ME1: variants seen among roughly 807,000 people sequenced by gnomAD.
ME1 encodes the protein NADP-dependent malic enzyme.
In ME1, 74 loss-of-function variants were observed where a neutral mutation model predicts 66.4. The ratio of observed to expected loss-of-function variants is 1.11; its 90% confidence interval spans 0.92 to 1.35. The LOEUF is 1.35. Among genes scored for constraint, ME1 ranks in the 40% most tolerant of loss-of-function variants. The pLI is 0.00. For synonymous variants in ME1, 251 were observed against 235.6 expected, an observed-to-expected ratio of 1.07 and a Z score of -0.60; for missense variants, 750 against 694.1, an observed-to-expected ratio of 1.08 and a Z score of -0.90.
intron 4 of ME1, among the ~76,000 whole-genome samples, chr6:83,350,805 A>C (rs1171323013): frequency 2.0e-5 from 3 of 151,908 alleles, no homozygotes; most frequent in African/African-American, 7.3e-5. Context: ...TGATTCCTTA[A>C]ATTTTCTTTA....
chr6:83,211,901 A>G lies in ME1; in HGVS notation c.*23T>C. The stretch of plus-strand genomic sequence containing the variant: ...AAAGGTTTAAAGACCTCATTAATAG[A>G]GTTAGAAATGTTTGCTATTATCCTA... On this transcript the variant is annotated 3_prime_UTR_variant, in exon 14 of 14. Transcript: ENST00000369705. The G allele has an allele frequency of 2.0e-6, 3 of 1,511,474 alleles. No homozygotes were observed. The highest frequency in any genetic ancestry group is 2.7e-6 in the Non-Finnish European group (3 of 1,121,040). 93.6% of individuals were successfully genotyped at this position (1,511,474 alleles called of 1,614,324 possible).
At chr6:83,236,317 A>G (rs1462767438) in intron 9 of ME1, among the ~76,000 whole-genome samples, 1 of 152,150 alleles carries the variant, frequency 6.6e-6, no homozygotes, top group Non-Finnish European at 1.5e-5. Flanking sequence ...CTCTATCTCC[A>G]TGAGATAGAT....
intron 6 of ME1, among the ~76,000 whole-genome samples, chr6:83,309,212 AG>A (rs1767884670): frequency 6.6e-6 from 1 of 152,112 alleles, no homozygotes; most frequent in Non-Finnish European, 1.5e-5. Context: ...TTTTGTGTTG[AG>A]GACAGACTAA....
intron 7 of ME1, among the ~76,000 whole-genome samples, chr6:83,252,456 T>C (rs1236190675): frequency 6.6e-6 from 1 of 152,134 alleles, no homozygotes; most frequent in Non-Finnish European, 1.5e-5. Context: ...CACACCATCA[T>C]GCCAGGCTAA....
chr6:83,333,952 G>T (rs367575840), intron 5 of ME1, among the ~76,000 whole-genome samples: 26 of 151,980 alleles, frequency 1.7e-4, no homozygotes, highest in East Asian at 3.9e-4. Flanking sequence ...TCCAAGTCAG[G>T]GGGGGAGGAG....
chr6:83,381,161 G>A (rs367578460), intron 3 of ME1, among the ~76,000 whole-genome samples: 1 of 151,970 alleles, frequency 6.6e-6, no homozygotes, highest in African/African-American at 2.4e-5. Flanking sequence ...TGTGCAGGCA[G>A]AATTATAGCA....
intron 3 of ME1, among the ~76,000 whole-genome samples, chr6:83,385,987 A>C (rs1650498998): frequency 6.6e-6 from 1 of 151,940 alleles, no homozygotes; most frequent in African/African-American, 2.4e-5. Flanking sequence ...GGTAACAGTT[A>C]AGACTTGAAT....
At chr6:83,290,045 G>C (rs566738961) in intron 6 of ME1, among the ~76,000 whole-genome samples, 1 of 151,748 alleles carries the variant, frequency 6.6e-6, no homozygotes, top group East Asian at 1.9e-4. Context: ...AGTCTTGCTA[G>C]AGGGCTATTT....
At chr6:83,364,309 G>A (rs867853436) in intron 3 of ME1, among the ~76,000 whole-genome samples, 1 of 152,088 alleles carries the variant, frequency 6.6e-6, no homozygotes, top group Admixed American at 6.5e-5. Context: ...TTGGAACTCA[G>A]ACTGGCTCTC....
chr6:83,257,966 T>C (rs1479261870), intron 6 of ME1, among the ~76,000 whole-genome samples: 2 of 152,158 alleles, frequency 1.3e-5, no homozygotes, highest in Non-Finnish European at 2.9e-5. Flanking sequence ...GGTCTCAGTA[T>C]GTGAGGAGGA....
rs114591343 is a variant in ME1 at position 83,249,968 on chromosome 6, C to T, written c.814+3661G>A. On this transcript the variant is annotated intron_variant, in intron 7 of 13. Transcript: ENST00000369705. ...TTTATCCCATTGTCTTTTCTTTGCA[C>T]AAATACAATAAAATATCTAACATAG... Among the ~76,000 whole-genome samples, 1,016 of 152,236 alleles carry T rather than the reference C, an allele frequency of 6.7e-3. 15 individuals carry two copies. The highest frequency in any genetic ancestry group is 0.022 in the African/African-American group (927 of 41,538).
chr6:83,266,656 A>G (rs2128530422), intron 6 of ME1, among the ~76,000 whole-genome samples: 2 of 152,324 alleles, frequency 1.3e-5, no homozygotes, highest in South Asian at 4.1e-4. Flanking sequence ...TCATGAACTA[A>G]GCCATCATAC....
At chr6:83,352,268 A>T (rs1428328784) in intron 3 of ME1, 129 bp from the exon 4 acceptor site, 1 of 505,902 alleles carries the variant, frequency 2.0e-6, no homozygotes, top group Non-Finnish European at 3.4e-6. Context: ...ACTGGTGGAC[A>T]TTATTTCCTT....
chr6:83,362,177 A>G (rs1769018150), intron 3 of ME1, among the ~76,000 whole-genome samples: 1 of 152,238 alleles, frequency 6.6e-6, no homozygotes, highest in African/African-American at 2.4e-5. Flanking sequence ...TTTGCATCAA[A>G]GGAGACATGG....
intron 1 of ME1, among the ~76,000 whole-genome samples, chr6:83,412,858 A>C (rs1770078371): frequency 6.6e-6 from 1 of 152,216 alleles, no homozygotes; most frequent in African/African-American, 2.4e-5. Flanking sequence ...AAGAGGGAGC[A>C]AAAAGAAAAT....
intron 2 of ME1, among the ~76,000 whole-genome samples, chr6:83,404,581 C>A (rs1270023511): frequency 6.6e-6 from 1 of 152,116 alleles, no homozygotes; most frequent in African/African-American, 2.4e-5. Flanking sequence ...AAGTCTTTGC[C>A]CATGCCTATG....
chr6:83,423,161 T>C (rs1196856919), intron 1 of ME1, among the ~76,000 whole-genome samples: 2 of 148,550 alleles, frequency 1.3e-5, no homozygotes, highest in Non-Finnish European at 3.0e-5. Context: ...AGATTTCTCA[T>C]CAGGAAAAAG....
rs574928558 is a variant in ME1 at position 83,417,771 on chromosome 6, T to C, written c.79-9870A>G. 3.9e-5 allele frequency among the ~76,000 whole-genome samples: 6 copies of C among 152,338 alleles called. No individual in the cohort carries two copies. In the South Asian group the frequency reaches 1.2e-3, roughly 32 times the overall value. On this transcript the variant is annotated intron_variant, in intron 1 of 13. Coordinates refer to ENST00000369705, the MANE Select transcript of ME1 (RefSeq NM_002395.6). ...TTAAAAAATAAAACTTTACTTTAAA[T>C]TGCCCATATTTAAATATATTATCTT... is the stretch of plus-strand genomic sequence containing the variant.
intron 3 of ME1, among the ~76,000 whole-genome samples, chr6:83,369,496 C>T (rs1166241081): frequency 6.6e-6 from 1 of 152,040 alleles, no homozygotes; most frequent in Non-Finnish European, 1.5e-5. Context: ...GGATATAACA[C>T]CTTCCATTTT....
Sources: gnomAD v4.1 joint callset for allele counts (sites outside exome capture counted in the v4.1 genomes callset) on GRCh38, gnomAD v4.1.1 for gene constraint, MANE v1.5 for transcripts, NCBI Gene and HGNC (gene_info 2026-07-23, HGNC 2026-07-21) for gene names.